PIAS1: variants seen among roughly 807,000 people sequenced by gnomAD.
The protein encoded by PIAS1 is E3 SUMO-protein ligase PIAS1.
Under a neutral mutation model 71.3 loss-of-function variants are expected in PIAS1, and 6 were observed. That is an observed-to-expected ratio of 0.08 (90% confidence interval 0.05 to 0.17). The LOEUF (loss-of-function observed/expected upper bound fraction) is 0.17. Among genes scored for constraint, PIAS1 ranks in the 10% least tolerant of loss-of-function variants. The pLI is 1.00. For synonymous variants in PIAS1, 303 were observed against 292.9 expected (o/e 1.03, Z -0.35); for missense variants, 555 against 793.6 (o/e 0.70, Z 3.61).
At chr15:68,148,244 C>G (rs928184654) in intron 6 of PIAS1, among the ~76,000 whole-genome samples, 1 of 152,036 alleles carries the variant, frequency 6.6e-6, no homozygotes, top group African/African-American at 2.4e-5. Context: ...GTGAAAGGTT[C>G]AGAGGAAACT....
chr15:68,066,189 G>T (rs981745470), intron 1 of PIAS1, among the ~76,000 whole-genome samples: 1 of 151,512 alleles, frequency 6.6e-6, no homozygotes, highest in Non-Finnish European at 1.5e-5. Flanking sequence ...ACATGATCTC[G>T]GCTCACCACA....
intron 2 of PIAS1, among the ~76,000 whole-genome samples, chr15:68,112,315 C>A (rs1319115752): frequency 6.6e-6 from 1 of 152,138 alleles, no homozygotes; most frequent in East Asian, 1.9e-4. Context: ...CTTAAAAAAA[C>A]TACTTTTCTC....
intron 11 of PIAS1, among the ~76,000 whole-genome samples, chr15:68,179,564 CTTTTTTTTTTT>C (rs766344324): frequency 4.7e-4 from 19 of 40,106 alleles, no homozygotes; most frequent in East Asian, 2.0e-3. Context: ...GTGAAATGTT[CTTTTTTTTTTT>C]TTTTTTTTTT....
At chr15:68,080,608 A>G (rs971961520) in intron 1 of PIAS1, among the ~76,000 whole-genome samples, 2 of 152,234 alleles carry the variant, frequency 1.3e-5, no homozygotes, top group Admixed American at 6.5e-5. Flanking sequence ...TTGTAATGAG[A>G]AGATTTAGAA....
rs1474295415 is a variant in PIAS1 at position 68,185,519 on chromosome 15, G to A, written c.1662+1852G>A. ...TTCCTGAGGAATTGACTAATGAGCT[G>A]TTGGAACTGGAACAGGAACACGCAG... On this transcript the variant is annotated intron_variant, in intron 13 of 13. Transcript: ENST00000249636. The surrounding 1 kb of genome is among the most constrained non-coding windows in gnomAD (Gnocchi z 4.4). Among the ~76,000 whole-genome samples the A allele has an allele frequency of 1.3e-5, 2 of 152,210 alleles. No homozygotes were observed. Among genetic ancestry groups the A allele is most frequent in the Non-Finnish European group, 2.9e-5 (2 of 68,028 alleles).
chr15:68,179,561 G>GTTTTTTTTTTT (rs1307028845), intron 11 of PIAS1, among the ~76,000 whole-genome samples: 14 of 30,186 alleles, frequency 4.6e-4, no homozygotes, highest in East Asian at 1.7e-3. Flanking sequence ...CTCGTGAAAT[G>GTTTTTTTTTTT]TTCTTTTTTT....
At chr15:68,164,845 T>C in intron 8 of PIAS1, 41 bp downstream of exon 8, 1 of 1,060,576 alleles carries the variant, frequency 9.4e-7, no homozygotes, top group Non-Finnish European at 1.4e-6. Context: ...AAGTTTAACA[T>C]ACATTTTCTC....
intron 1 of PIAS1, among the ~76,000 whole-genome samples, chr15:68,074,766 GTAGA>G (rs2092139502): frequency 6.6e-6 from 1 of 151,270 alleles, no homozygotes; most frequent in Non-Finnish European, 1.5e-5. Context: ...AGAGTAAGTT[GTAGA>G]TAGATAAACT....
chr15:68,128,823 A>G (rs1248745750), intron 2 of PIAS1, among the ~76,000 whole-genome samples: 3 of 152,210 alleles, frequency 2.0e-5, no homozygotes, highest in African/African-American at 7.2e-5. Context: ...AGAAAATCAA[A>G]TTAGTAGAAC....
chr15:68,058,268 T>C (rs1406818720), intron 1 of PIAS1, among the ~76,000 whole-genome samples: 1 of 152,282 alleles, frequency 6.6e-6, no homozygotes, highest in East Asian at 1.9e-4. Context: ...GACTCTGGCA[T>C]GAAGCATCTT....
chr15:68,066,442 A>G (rs1160407001), intron 1 of PIAS1, among the ~76,000 whole-genome samples: 1 of 152,198 alleles, frequency 6.6e-6, no homozygotes, highest in African/African-American at 2.4e-5. Flanking sequence ...TATAAGAATC[A>G]TATGAATAAA....
chr15:68,105,820 TTAAA>T (rs1260177748), intron 2 of PIAS1, among the ~76,000 whole-genome samples: 1 of 152,092 alleles, frequency 6.6e-6, no homozygotes, highest in Non-Finnish European at 1.5e-5. Context: ...AAAATTTTTT[TTAAA>T]TAAATAACTA....
chr15:68,156,405 T>C (rs1420765810), intron 7 of PIAS1, among the ~76,000 whole-genome samples: 5 of 151,954 alleles, frequency 3.3e-5, no homozygotes, highest in African/African-American at 1.2e-4. Flanking sequence ...GCAGCTGGAA[T>C]AGAGAGAGCC....
chr15:68,092,138 T>C (rs2092336705), intron 2 of PIAS1, among the ~76,000 whole-genome samples: 1 of 152,228 alleles, frequency 6.6e-6, no homozygotes, highest in Non-Finnish European at 1.5e-5. Flanking sequence ...TTGATTGGTA[T>C]GAGGCATAAT....
Position 68,185,981 on chromosome 15 carries a change from A to AAAC in PIAS1, c.1663-1559_1663-1558insCAA, listed in dbSNP as rs1416785937. Among the ~76,000 whole-genome samples, 3 of 149,482 alleles carry AAAC rather than the reference A, an allele frequency of 2.0e-5. No homozygotes were observed. The highest frequency in any genetic ancestry group is 3.0e-5 in the Non-Finnish European group (2 of 67,082). Reference sequence around the variant, plus strand: ...ACTCCATCTCAAAAACAAAACAAACAAAAAAAACATGGGCCCTAACAATGA... The same window carrying AAAC: ...ACTCCATCTCAAAAACAAAACAAACAAACAAAAAAACATGGGCCCTAACAATGA... On this transcript the variant is annotated intron_variant, in intron 13 of 13. Coordinates refer to ENST00000249636, the MANE Select transcript of PIAS1 (RefSeq NM_016166.3). This position sits in a 1 kb window ranked among gnomAD's most constrained non-coding sequence, Gnocchi z 4.4.
At chr15:68,150,995 T>C (rs1002054178) in intron 6 of PIAS1, among the ~76,000 whole-genome samples, 5 of 152,080 alleles carry the variant, frequency 3.3e-5, no homozygotes, top group Non-Finnish European at 7.4e-5. Context: ...AGAGAAATTA[T>C]CTCATGAACT....
At chr15:68,103,961 A>G (rs1184479526) in intron 2 of PIAS1, among the ~76,000 whole-genome samples, 3 of 152,248 alleles carry the variant, frequency 2.0e-5, no homozygotes, top group African/African-American at 4.8e-5. Flanking sequence ...ACCTAGAACT[A>G]GAAATGCTGG....
chr15:68,054,730 G>T lies in PIAS1; in HGVS notation c.24+380G>T. 5.7e-6 allele frequency: 1 copy of T among 175,842 alleles called. No homozygotes were observed. Among genetic ancestry groups the T allele is most frequent in the South Asian group, 1.7e-4 (1 of 5,856 alleles). 10.9% of individuals were successfully genotyped at this position (175,842 alleles called of 1,614,324 possible). Reference sequence around the variant, plus strand: ...GGGCTGGGGGCAGGGTGCTCTCGTAGGGGGGATTGGGAAAGCTCCCCGTGG... The same window carrying T: ...GGGCTGGGGGCAGGGTGCTCTCGTATGGGGGATTGGGAAAGCTCCCCGTGG... On this transcript the variant is annotated intron_variant, in intron 1 of 13. Transcript: ENST00000249636. The surrounding 1 kb of genome is among the most constrained non-coding windows in gnomAD (Gnocchi z 4.6).
intron 7 of PIAS1, among the ~76,000 whole-genome samples, chr15:68,157,320 C>A (rs1359872673): frequency 6.6e-6 from 1 of 152,158 alleles, no homozygotes; most frequent in Non-Finnish European, 1.5e-5. Context: ...TTTTCTGTCA[C>A]TCTGTGCTGT....
Sources: gnomAD v4.1 joint callset for allele counts (sites outside exome capture counted in the v4.1 genomes callset) on GRCh38, gnomAD v4.1.1 for gene constraint, Gnocchi (gnomAD v3.1) non-coding constraint, MANE v1.5 for transcripts, NCBI Gene and HGNC (gene_info 2026-07-23, HGNC 2026-07-21) for gene names.